The following NFYA variants were observed in gnomAD, a reference collection of about 807,000 sequenced individuals.
NFYA encodes the protein nuclear transcription factor Y subunit alpha.
In NFYA, 28 loss-of-function variants were observed where a neutral mutation model predicts 52.8. That is an observed-to-expected ratio of 0.53 (90% confidence interval 0.39 to 0.73). NFYA has a LOEUF of 0.73. Ranked by LOEUF, NFYA falls within the 30% of genes least tolerant of loss-of-function variation. The probability of loss-of-function intolerance (pLI) is 0.00; values close to 1 mark genes in which losing one functional copy is unlikely to be tolerated. For synonymous variants in NFYA, 150 were observed against 150.7 expected, an observed-to-expected ratio of 1.00 and a Z score of 0.03; for missense variants, 234 against 427.0, an observed-to-expected ratio of 0.55 and a Z score of 3.98.
chr6:41,101,470 G>GT lies in NFYA; in HGVS notation c.*4065dup, dbSNP rs1186774529. ...GGACCACGCCCCGGGCTTTGAACCC[G>GT]TTTTTCCCAACCCCGAGCATTTTCT... On this transcript the variant is annotated 3_prime_UTR_variant, in exon 10 of 10. Transcript: ENST00000341376. 6.6e-6 allele frequency among the ~76,000 whole-genome samples: 1 copy of GT among 152,112 alleles called. No homozygotes were observed. Among genetic ancestry groups the GT allele is most frequent in the Non-Finnish European group, 1.5e-5 (1 of 68,024 alleles).
In NFYA at chr6:41,089,728, G is replaced by A; in HGVS notation, c.441+18G>A. On this transcript the variant is annotated intron_variant, in intron 5 of 9. Coordinates refer to ENST00000341376, the MANE Select transcript of NFYA (RefSeq NM_002505.5). ...AGACTCAGGTAATTCCACTAGCTCTGTCACACAGGAGCAAAACTGATTTGG... is the reference window on the plus strand; with the variant it reads ...AGACTCAGGTAATTCCACTAGCTCTATCACACAGGAGCAAAACTGATTTGG... The A allele has an allele frequency of 6.2e-7, 1 of 1,608,830 alleles. No homozygotes were observed. Among genetic ancestry groups the A allele is most frequent in the South Asian group, 1.1e-5 (1 of 90,396 alleles).
chr6:41,087,826 G>A (rs1764087052), intron 4 of NFYA, among the ~76,000 whole-genome samples: 1 of 151,954 alleles, frequency 6.6e-6, no homozygotes, highest in Non-Finnish European at 1.5e-5. Context: ...TATTTTTCAA[G>A]CTTCTTGTCA....
chr6:41,090,120 A>T, intron 5 of NFYA, 84 bp from the exon 6 acceptor site: 5 of 958,934 alleles, frequency 5.2e-6, no homozygotes, highest in Admixed American at 4.4e-5. Flanking sequence ...TCTCAAAAAA[A>T]TAATTTTTTT....
At chr6:41,091,038 G>A (rs1764186109) in intron 6 of NFYA, among the ~76,000 whole-genome samples, 1 of 152,210 alleles carries the variant, frequency 6.6e-6, no homozygotes, top group South Asian at 2.1e-4. Context: ...CCAGGCAAGA[G>A]CTCAAACAGA....
Position 41,080,870 on chromosome 6 carries a change from A to C in NFYA, c.135A>C (p.Ser45=), listed in dbSNP as rs1317152451. Residue 45 remains serine (S), a synonymous_variant, in exon 3 of 10, where the codon TCA becomes TCC. Transcript: ENST00000341376. ...CTGAGGCCCAGGTGGCATCCGCCTCAGGCCAGCAAGTCCAGACCCTCCAGG... is the reference window on the plus strand; with the variant it reads ...CTGAGGCCCAGGTGGCATCCGCCTCCGGCCAGCAAGTCCAGACCCTCCAGG... ...LQTEAQVASA[S]GQQVQTLQVV... 1 of 1,614,040 alleles carries C rather than the reference A, an allele frequency of 6.2e-7. No homozygotes were observed. Among genetic ancestry groups the C allele is most frequent in the African/African-American group, 1.3e-5 (1 of 75,058 alleles).
At chr6:41,081,256 G>T (rs969571166) in intron 3 of NFYA, among the ~76,000 whole-genome samples, 2 of 152,112 alleles carry the variant, frequency 1.3e-5, no homozygotes, top group Non-Finnish European at 2.9e-5. Context: ...TTGGGAGGCC[G>T]AGGCAGGCGG....
chr6:41,090,120 ATAATTTTT>A, intron 5 of NFYA, 76 bp from the exon 6 acceptor site: 1 of 958,940 alleles, frequency 1.0e-6, no homozygotes, highest in East Asian at 2.5e-5. Flanking sequence ...TCTCAAAAAA[ATAATTTTT>A]TTTTTTAAGG....
chr6:41,083,667 T>G (rs1465047595), intron 3 of NFYA, among the ~76,000 whole-genome samples: 1 of 152,188 alleles, frequency 6.6e-6, no homozygotes, highest in Non-Finnish European at 1.5e-5. Flanking sequence ...CACCTTTCCC[T>G]CTCATTGCCT....
intron 8 of NFYA, among the ~76,000 whole-genome samples, chr6:41,093,835 T>TA (rs1764268075): frequency 6.6e-6 from 1 of 152,216 alleles, no homozygotes; most frequent in Non-Finnish European, 1.5e-5. Flanking sequence ...GGAATTTAGT[T>TA]ACCTGATCAC....
chr6:41,089,266 G>A (rs1037910849), intron 4 of NFYA, among the ~76,000 whole-genome samples: 5 of 152,202 alleles, frequency 3.3e-5, no homozygotes, highest in Admixed American at 6.5e-5. Context: ...TTACAGGCGT[G>A]AGCCACCACA....
chr6:41,091,713 C>T lies in NFYA; in HGVS notation c.714+19C>T. 6.2e-7 allele frequency: 1 copy of T among 1,603,936 alleles called. No homozygotes were observed. Among genetic ancestry groups the T allele is most frequent in the South Asian group, 1.1e-5 (1 of 89,316 alleles). On this transcript the variant is annotated intron_variant, in intron 7 of 9. Transcript: ENST00000341376. The stretch of plus-strand genomic sequence containing the variant: ...GGTCATGGTAAGAAAATGTATTTTT[C>T]AGCTTTGTCTTTGAAATTTTCTTGA...
At chr6:41,077,704 C>G (rs1763779436) in intron 1 of NFYA, among the ~76,000 whole-genome samples, 1 of 152,086 alleles carries the variant, frequency 6.6e-6, no homozygotes. Flanking sequence ...AATCAGAAAA[C>G]CGGTTTGTCA....
chr6:41,079,469 CTT>C (rs1332186371), intron 2 of NFYA, among the ~76,000 whole-genome samples: 1 of 152,166 alleles, frequency 6.6e-6, no homozygotes, highest in Non-Finnish European at 1.5e-5. Flanking sequence ...TTTTTCTCTT[CTT>C]GTTTGAGCTA....
At chr6:41,084,711 C>A (rs982580219) in intron 4 of NFYA, among the ~76,000 whole-genome samples, 22 of 152,314 alleles carry the variant, frequency 1.4e-4, no homozygotes, top group African/African-American at 5.3e-4. Flanking sequence ...GCCTGTGATC[C>A]CAGCACTTGG....
At chr6:41,090,004 G>C (rs1484791822) in intron 5 of NFYA, among the ~76,000 whole-genome samples, 200 bp from the exon 6 acceptor site, 2 of 152,076 alleles carry the variant, frequency 1.3e-5, no homozygotes. Flanking sequence ...CCAGCTACTC[G>C]GGAGGCTGAG....
intron 9 of NFYA, 136 bp from the exon 10 acceptor site, chr6:41,097,221 G>A: frequency 1.3e-6 from 1 of 745,332 alleles, no homozygotes; most frequent in Non-Finnish European, 2.3e-6. Flanking sequence ...CATGTATGCA[G>A]ACTTAAGATG....
chr6:41,079,294 C>T (rs908521809), intron 2 of NFYA, 130 bp downstream of exon 2: 2 of 823,200 alleles, frequency 2.4e-6, no homozygotes, highest in East Asian at 5.1e-5. Flanking sequence ...GGTCTGATGG[C>T]TTGTGCTGAA....
At chr6:41,093,876 C>T (rs1201896925) in intron 8 of NFYA, among the ~76,000 whole-genome samples, 1 of 152,170 alleles carries the variant, frequency 6.6e-6, no homozygotes, top group African/African-American at 2.4e-5. Context: ...TAGGAAAGTC[C>T]AGCCTGGTGT....
In NFYA at chr6:41,080,793, TC is replaced by T. The variant is rs1763883942; in HGVS notation, c.76-16del. 6.2e-7 allele frequency: 1 copy of T among 1,604,916 alleles called. No individual in the cohort carries two copies. Among genetic ancestry groups the T allele is most frequent in the Non-Finnish European group, 8.5e-7 (1 of 1,171,900 alleles). On this transcript the variant is annotated splice_polypyrimidine_tract_variant and intron_variant, in intron 2 of 9. Coordinates refer to ENST00000341376, the MANE Select transcript of NFYA (RefSeq NM_002505.5). ...TCCTTCCTGACATATTTCAAGCTCT[TC>T]CTGTTCCTGTTCTCAGCAGCAGGGT...
Sources: gnomAD v4.1 joint callset for allele counts (sites outside exome capture counted in the v4.1 genomes callset) on GRCh38, gnomAD v4.1.1 for gene constraint, MANE v1.5 for transcripts, NCBI Gene and HGNC (gene_info 2026-07-23, HGNC 2026-07-21) for gene names.